SHISA9: variants seen among roughly 807,000 people sequenced by gnomAD.
SHISA9 encodes protein shisa-9.
A neutral mutation model predicts 38.0 loss-of-function variants in SHISA9; 13 were observed. The observed-to-expected ratio is 0.34, with a 90% CI of 0.22 to 0.54. The LOEUF is 0.54. SHISA9 is among the 20% of genes least tolerant of loss of function. SHISA9 has a pLI of 0.91. For synonymous variants in SHISA9, 275 were observed against 242.0 expected (o/e 1.14, Z -1.27); for missense variants, 538 against 575.8 (o/e 0.93, Z 0.67).
At chr16:13,100,002 G>T (rs914893675) in intron 2 of SHISA9, among the ~76,000 whole-genome samples, 5 of 152,190 alleles carry the variant, frequency 3.3e-5, no homozygotes, top group African/African-American at 9.6e-5. Context: ...AGCCAGGCTG[G>T]ATGGGACTCA....
chr16:13,460,147 T>C, the SHISA9 span, among the ~76,000 whole-genome samples: 1 of 152,146 alleles, frequency 6.6e-6, no homozygotes, highest in Non-Finnish European at 1.5e-5. Flanking sequence ...GTCTACTGCA[T>C]ACCCATCAAT....
intron 2 of SHISA9, among the ~76,000 whole-genome samples, chr16:13,127,213 G>T (rs1046751263): frequency 7.7e-6 from 1 of 130,006 alleles, no homozygotes; most frequent in Non-Finnish European, 1.6e-5. Flanking sequence ...GGGAGAGAGG[G>T]AAAGAGAGGG....
At chr16:13,183,672 A>G (rs1161503252) in intron 2 of SHISA9, among the ~76,000 whole-genome samples, 1 of 152,204 alleles carries the variant, frequency 6.6e-6, no homozygotes, top group Non-Finnish European at 1.5e-5. Flanking sequence ...GAATAACTCT[A>G]TTAGGTTCTT....
At chr16:13,355,618 G>A in the SHISA9 span, among the ~76,000 whole-genome samples, 1 of 152,114 alleles carries the variant, frequency 6.6e-6, no homozygotes, top group South Asian at 2.1e-4. Context: ...CCAGAGTTGG[G>A]GAGTTTTAAG....
Position 12,901,984 on chromosome 16 carries a change from G to T in SHISA9, c.-81G>T, listed in dbSNP as rs1368086652. ...GCTCGCAGCTCCCGGCAGCAGCCTC[G>T]GCAGCTTCGGCCGCGCCTCGAGAGG... On this transcript the variant is annotated 5_prime_UTR_variant, in exon 1 of 5. Transcript: ENST00000558583. 7.4e-6 allele frequency: 9 copies of T among 1,223,676 alleles called. No individual in the cohort carries two copies. The highest frequency in any genetic ancestry group is 9.4e-6 in the Non-Finnish European group (9 of 956,220). The allele number at this position is 1,223,676 out of a possible 1,614,324, so 75.8% of individuals were successfully genotyped here.
chr16:13,297,623 T>A, the SHISA9 span, among the ~76,000 whole-genome samples: 1 of 152,176 alleles, frequency 6.6e-6, no homozygotes, highest in Admixed American at 6.5e-5. Context: ...GGGAAAAGAT[T>A]TGACTAAGTG....
At chr16:13,467,552 T>C in the SHISA9 span, among the ~76,000 whole-genome samples, 1 of 152,204 alleles carries the variant, frequency 6.6e-6, no homozygotes, top group Non-Finnish European at 1.5e-5. Context: ...TATCATGTGA[T>C]TTCTTCAACT....
chr16:13,276,708 A>G, the SHISA9 span, among the ~76,000 whole-genome samples: 5 of 152,154 alleles, frequency 3.3e-5, no homozygotes, highest in South Asian at 8.3e-4. Context: ...GGCCATTTGT[A>G]TATCTTCTTT....
intron 4 of SHISA9, among the ~76,000 whole-genome samples, chr16:13,227,549 G>A (rs1360816087): frequency 1.3e-5 from 2 of 152,100 alleles, no homozygotes; most frequent in Admixed American, 1.3e-4. Flanking sequence ...TGACAACCTT[G>A]GGCCAGAGAT....
At chr16:12,915,138 TTC>T (rs1252061106) in intron 1 of SHISA9, among the ~76,000 whole-genome samples, 2 of 152,166 alleles carry the variant, frequency 1.3e-5, no homozygotes, top group Non-Finnish European at 1.5e-5. Flanking sequence ...CCTGGAGAAC[TTC>T]TCTGTGGTAC....
At chr16:13,297,082 T>G in the SHISA9 span, among the ~76,000 whole-genome samples, 1 of 152,024 alleles carries the variant, frequency 6.6e-6, no homozygotes, top group African/African-American at 2.4e-5. Flanking sequence ...AATATCCAGA[T>G]TTATATTTGA....
the SHISA9 span, among the ~76,000 whole-genome samples, chr16:13,416,743 A>AAAGG: frequency 0.015 from 1,754 of 113,488 alleles, 39 homozygotes; most frequent in African/African-American, 0.048. Context: ...AGAAAGAAAG[A>AAAGG]AAGGAAGGAA....
the SHISA9 span, among the ~76,000 whole-genome samples, chr16:13,346,756 C>G: frequency 6.6e-6 from 1 of 152,258 alleles, no homozygotes; most frequent in East Asian, 1.9e-4. Context: ...TTTATTTCCC[C>G]TTTTCCCCTA....
At chr16:13,402,512 CTTTTT>C in the SHISA9 span, among the ~76,000 whole-genome samples, 2 of 125,280 alleles carry the variant, frequency 1.6e-5, no homozygotes, top group Non-Finnish European at 3.4e-5. Flanking sequence ...AGAGGGTGGT[CTTTTT>C]TTTTTTTTTT....
intron 2 of SHISA9, among the ~76,000 whole-genome samples, chr16:12,984,238 G>A (rs1319087632): frequency 6.6e-6 from 1 of 152,166 alleles, no homozygotes; most frequent in Admixed American, 6.5e-5. Context: ...AGCAGAGGAG[G>A]TGCTGAGTGC....
At chr16:12,941,512 A>T (rs2071611324) in intron 2 of SHISA9, among the ~76,000 whole-genome samples, 1 of 152,234 alleles carries the variant, frequency 6.6e-6, no homozygotes, top group South Asian at 2.1e-4. Context: ...AGCATTTATC[A>T]TTTGTGTTAC....
At chr16:13,311,703 C>T in the SHISA9 span, among the ~76,000 whole-genome samples, 6 of 152,180 alleles carry the variant, frequency 3.9e-5, no homozygotes, top group Non-Finnish European at 7.3e-5. Context: ...AGATTGTTCT[C>T]GTTGGTTCCT....
intron 2 of SHISA9, among the ~76,000 whole-genome samples, chr16:13,108,259 G>A (rs374556767): frequency 1.3e-5 from 2 of 152,076 alleles, no homozygotes; most frequent in Non-Finnish European, 2.9e-5. Context: ...TTTTCGAGTA[G>A]CTGAGACTGC....
chr16:13,308,477 A>G, the SHISA9 span, among the ~76,000 whole-genome samples: 9 of 152,190 alleles, frequency 5.9e-5, no homozygotes, highest in Non-Finnish European at 8.8e-5. Flanking sequence ...AGGAAAATAG[A>G]TGGAGACAAT....
Sources: gnomAD v4.1 joint callset for allele counts (sites outside exome capture counted in the v4.1 genomes callset) on GRCh38, gnomAD v4.1.1 for gene constraint, MANE v1.5 for transcripts, NCBI Gene and HGNC (gene_info 2026-07-23, HGNC 2026-07-21) for gene names.